Variants in NRBP2 observed in about 807,000 individuals in gnomAD.
NRBP2 encodes the protein nuclear receptor-binding protein 2.
A neutral mutation model predicts 74.4 loss-of-function variants in NRBP2; 47 were observed. The ratio of observed to expected loss-of-function variants is 0.63; its 90% confidence interval spans 0.50 to 0.81. NRBP2 has a LOEUF of 0.81. NRBP2 is among the 30% of genes least tolerant of loss of function. NRBP2 has a pLI of 0.00. For synonymous variants in NRBP2, 312 were observed against 273.8 expected (o/e 1.14, Z -1.38); for missense variants, 613 against 690.1 (o/e 0.89, Z 1.25).
At position 143,839,085 on chromosome 8, in the gene NRBP2, A is replaced by C; in HGVS notation, c.620T>G (p.Leu207Arg). ...TCGCTCAGCGCGGATGGGGCTTCGG[A>C]GATCATCTGGAAGTGCTGTGGGAGG... ...RIFSNALPDD[L>R]RSPIRAEREE... is the part of the protein sequence containing the mutation. Residue 207 changes from leucine to arginine, a missense_variant, in exon 8 of 18, where the codon CTC (leucine) becomes CGC (arginine). Physicochemically the swap from Leu to Arg is moderately radical, Grantham distance 102 (BLOSUM62 -2). Transcript: ENST00000442628. This position sits in a 1 kb window ranked among gnomAD's most constrained non-coding sequence, Gnocchi z 5.1. 6.5e-7 allele frequency: 1 copy of C among 1,526,896 alleles called. No homozygotes were observed. The highest frequency in any genetic ancestry group is 8.8e-7 in the Non-Finnish European group (1 of 1,140,336). The allele number at this position is 1,526,896 out of a possible 1,614,324, so 94.6% of individuals were successfully genotyped here. A position where few individuals can be genotyped will look rare whatever the true frequency, so the allele number is the denominator to read the frequency against.
chr8:143,836,196 G>A lies in NRBP2; in HGVS notation c.1264-16C>T. 6.5e-7 allele frequency: 1 copy of A among 1,529,182 alleles called. No individual in the cohort carries two copies. Among genetic ancestry groups the A allele is most frequent in the African/African-American group, 1.4e-5 (1 of 69,818 alleles). 94.7% of individuals were successfully genotyped at this position (1,529,182 alleles called of 1,614,324 possible). ...TCTGGATGACCTGCAGCGGGGGAAG[G>A]CTGGGACTCACAAACCCAGCAGCAA... On this transcript the variant is annotated splice_polypyrimidine_tract_variant and intron_variant, in intron 14 of 17. Transcript: ENST00000442628.
At chr8:143,830,825 A>C (rs941565883), downstream of NRBP2, among the ~76,000 whole-genome samples, 4 of 152,250 alleles carry the variant, frequency 2.6e-5, no homozygotes, top group African/African-American at 9.6e-5. Flanking sequence ...TCAGTCAATA[A>C]AAAGGAACTG....
In NRBP2 at chr8:143,840,492, G is replaced by A. The variant is rs1483040610; in HGVS notation, c.129+214C>T. 1.5e-6 allele frequency: 1 copy of A among 658,216 alleles called. No homozygotes were observed. The highest frequency in any genetic ancestry group is 2.8e-5 in the East Asian group (1 of 35,882). 40.8% of individuals were successfully genotyped at this position (658,216 alleles called of 1,614,324 possible). A position where few individuals can be genotyped will look rare whatever the true frequency, so the allele number is the denominator to read the frequency against. On this transcript the variant is annotated intron_variant, in intron 1 of 17. Coordinates refer to ENST00000442628, the MANE Select transcript of NRBP2 (RefSeq NM_178564.4). The surrounding 1 kb of genome is among the most constrained non-coding windows in gnomAD (Gnocchi z 5.7). Reference sequence around the variant, plus strand: ...CTAGCGGCTGAGTCCAGAGGCATGGGGAGGTGGTCCTGGGAGGAGACTGGC... The same window carrying A: ...CTAGCGGCTGAGTCCAGAGGCATGGAGAGGTGGTCCTGGGAGGAGACTGGC...
chr8:143,836,831 G>C (rs1459441246), intron 14 of NRBP2, among the ~76,000 whole-genome samples: 2 of 151,976 alleles, frequency 1.3e-5, no homozygotes, highest in Non-Finnish European at 2.9e-5. Context: ...GATCTGAGGG[G>C]ACAGGGAGCC....
At position 143,837,766 on chromosome 8, in the gene NRBP2, G is replaced by C. The variant is rs1188948040; in HGVS notation, c.841-11C>G. 12 of 1,557,136 alleles carry C rather than the reference G, an allele frequency of 7.7e-6. No homozygotes were observed. The African/African-American group carries it at 1.2e-4, about 16-fold the overall frequency. On this transcript the variant is annotated splice_polypyrimidine_tract_variant and intron_variant, in intron 10 of 17. Transcript: ENST00000442628. This position sits in a 1 kb window ranked among gnomAD's most constrained non-coding sequence, Gnocchi z 4.3. ...GCAAAGGATGAACTCCTGGGGCACA[G>C]GGAGGAGAGGCTGGTGGTGTGCAAG...
rs1243088477 is a variant in NRBP2, at chr8:143,834,150, G to A, written c.*1512C>T. 1 of 152,168 alleles carries A rather than the reference G, an allele frequency of 6.6e-6. No homozygotes were observed. Among genetic ancestry groups the A allele is most frequent in the African/African-American group, 2.4e-5 (1 of 41,434 alleles). The allele number at this position is 152,168 out of a possible 1,614,324, so 9.4% of individuals were successfully genotyped here. On this transcript the variant is annotated 3_prime_UTR_variant, in exon 18 of 18. Coordinates refer to ENST00000442628, the MANE Select transcript of NRBP2 (RefSeq NM_178564.4). ...AGATGTGTTTAATATTAAAAACCTTGAGGAGGGAGATTATCATGTATTATC... is the reference window on the plus strand; with the variant it reads ...AGATGTGTTTAATATTAAAAACCTTAAGGAGGGAGATTATCATGTATTATC...
rs188532451 is a variant in NRBP2 at position 143,837,428 on chromosome 8, C to T, written c.1055G>A (p.Arg352His). 32 of 1,604,660 alleles carry T rather than the reference C, an allele frequency of 2.0e-5. No homozygotes were observed. The highest frequency in any genetic ancestry group is 1.6e-4 in the East Asian group (7 of 44,560). Residue 352 changes from arginine (R) to histidine (H), a missense_variant, in exon 12 of 18, where the codon CGC becomes CAC. Arg to His is a conservative substitution (Grantham distance 29). Coordinates refer to ENST00000442628, the MANE Select transcript of NRBP2 (RefSeq NM_178564.4). The surrounding 1 kb of genome is among the most constrained non-coding windows in gnomAD (Gnocchi z 4.3). ...TCACCGCCACTGCAGCGGGGGCCTGCGGGGCCGGGGAAGCTCCGCCAAGAC... is the reference window on the plus strand; with the variant it reads ...TCACCGCCACTGCAGCGGGGGCCTGTGGGGCCGGGGAAGCTCCGCCAAGAC... ...HAVLAELPRP[R>H]RPPLQWRYSE...
In NRBP2 at chr8:143,839,667, C is replaced by G. The variant is rs1818607192; in HGVS notation, c.444+69G>C. Reference sequence around the variant, plus strand: ...TCCGAGGCCGCCGGGCACCCCCTCACCATCCCAGTCCCCGAGGCTGCCCCA... The same window carrying G: ...TCCGAGGCCGCCGGGCACCCCCTCAGCATCCCAGTCCCCGAGGCTGCCCCA... On this transcript the variant is annotated intron_variant, in intron 4 of 17. Transcript: ENST00000442628. The surrounding 1 kb of genome is among the most constrained non-coding windows in gnomAD (Gnocchi z 5.1). The G allele has an allele frequency of 6.6e-7, 1 of 1,525,940 alleles. No homozygotes were observed. The highest frequency in any genetic ancestry group is 1.4e-5 in the African/African-American group (1 of 72,868). The allele number at this position is 1,525,940 out of a possible 1,614,324, so 94.5% of individuals were successfully genotyped here. A position where few individuals can be genotyped will look rare whatever the true frequency, so the allele number is the denominator to read the frequency against.
At chr8:143,836,475 C>T (rs1007377503) in intron 14 of NRBP2, among the ~76,000 whole-genome samples, 6 of 151,840 alleles carry the variant, frequency 4.0e-5, no homozygotes, top group Non-Finnish European at 7.4e-5. Flanking sequence ...CCGAAGTGCA[C>T]GGTGCCTGCG....
rs781950358 is a variant in NRBP2, at chr8:143,835,898, G to A, written c.1382-23C>T. 2.2e-5 allele frequency: 36 copies of A among 1,600,066 alleles called. No individual in the cohort carries two copies. In the East Asian group the frequency reaches 7.9e-4, roughly 35 times the overall value. On this transcript the variant is annotated intron_variant, in intron 16 of 17. Transcript: ENST00000442628. The surrounding 1 kb of genome is among the most constrained non-coding windows in gnomAD (Gnocchi z 4.9). ...CCGCTGAGGCAATGGCGTAAGGCGA[G>A]GCATGAGGCCGCTGCCCACCCGCCG...
Position 143,837,422 on chromosome 8 carries a change from G to A in NRBP2, c.1061C>T (p.Pro354Leu). The A allele has an allele frequency of 1.2e-6, 2 of 1,603,546 alleles. No individual in the cohort carries two copies. Among genetic ancestry groups the A allele is most frequent in the Non-Finnish European group, 8.5e-7 (1 of 1,176,522 alleles). Residue 354 changes from proline to leucine, a missense_variant, in exon 12 of 18, where the codon CCC becomes CTC. Physicochemically the swap from Pro to Leu is moderately conservative, Grantham distance 98. Around this residue, in one of 2 missense-constraint regions of NRBP2, gnomAD observed 281 missense variants for 260.9 expected, o/e 1.08. Transcript: ENST00000442628. This position sits in a 1 kb window ranked among gnomAD's most constrained non-coding sequence, Gnocchi z 4.3. ...VLAELPRPRR[P>L]PLQWRYSEVS... ...GACTGCTCACCGCCACTGCAGCGGG[G>A]GCCTGCGGGGCCGGGGAAGCTCCGC...
At position 143,837,190 on chromosome 8, in the gene NRBP2, G is replaced by A; in HGVS notation, c.1128-16C>T. On this transcript the variant is annotated splice_polypyrimidine_tract_variant and intron_variant, in intron 13 of 17. Coordinates refer to ENST00000442628, the MANE Select transcript of NRBP2 (RefSeq NM_178564.4). The surrounding 1 kb of genome is among the most constrained non-coding windows in gnomAD (Gnocchi z 4.3). Reference sequence around the variant, plus strand: ...GATTCCATTCCTGGGGACACAACAGGGTGGCTGGGGGTTCAGGCCTGACAG... The same window carrying A: ...GATTCCATTCCTGGGGACACAACAGAGTGGCTGGGGGTTCAGGCCTGACAG... The A allele has an allele frequency of 6.2e-7, 1 of 1,613,842 alleles. No individual in the cohort carries two copies. The highest frequency in any genetic ancestry group is 8.5e-7 in the Non-Finnish European group (1 of 1,179,950).
chr8:143,839,228 C>T lies in NRBP2; in HGVS notation c.581-33G>A. ...GGGGCGGGAGAAAGAGTGGAGTTAGCTGCTGGGGCATCAGAACTCCTCTGC... is the reference window on the plus strand; with the variant it reads ...GGGGCGGGAGAAAGAGTGGAGTTAGTTGCTGGGGCATCAGAACTCCTCTGC... On this transcript the variant is annotated intron_variant, in intron 6 of 17. Coordinates refer to ENST00000442628, the MANE Select transcript of NRBP2 (RefSeq NM_178564.4). The surrounding 1 kb of genome is among the most constrained non-coding windows in gnomAD (Gnocchi z 5.1). 2.6e-6 allele frequency: 4 copies of T among 1,532,034 alleles called. No homozygotes were observed. Among genetic ancestry groups the T allele is most frequent in the Non-Finnish European group, 3.5e-6 (4 of 1,143,692 alleles). 94.9% of individuals were successfully genotyped at this position (1,532,034 alleles called of 1,614,324 possible).
In NRBP2 at chr8:143,838,795, C is replaced by T. The variant is rs782613226; in HGVS notation, c.745-20G>A. On this transcript the variant is annotated intron_variant, in intron 9 of 17. Transcript: ENST00000442628. ...AGCCATCTGGGGCACAGAGCCAGGT[C>T]AGGCATGGGGAAGGGACCACACAGG... 1 of 1,611,534 alleles carries T rather than the reference C, an allele frequency of 6.2e-7. No individual in the cohort carries two copies. The highest frequency in any genetic ancestry group is 1.3e-5 in the African/African-American group (1 of 74,918).
In NRBP2 at chr8:143,833,698, G is replaced by A. The variant is rs1818245884; in HGVS notation, c.*1964C>T. The A allele has an allele frequency of 6.6e-6, 1 of 151,974 alleles. No individual in the cohort carries two copies. The highest frequency in any genetic ancestry group is 2.4e-5 in the African/African-American group (1 of 41,356). 9.4% of individuals were successfully genotyped at this position (151,974 alleles called of 1,614,324 possible). A position where few individuals can be genotyped will look rare whatever the true frequency, so the allele number is the denominator to read the frequency against. ...AATTCTGAAAAGATAAAATTTAAAAGGAAAAATTCAACAGAGACATGATTA... is the reference window on the plus strand; with the variant it reads ...AATTCTGAAAAGATAAAATTTAAAAAGAAAAATTCAACAGAGACATGATTA... On this transcript the variant is annotated 3_prime_UTR_variant, in exon 18 of 18. Coordinates refer to ENST00000442628, the MANE Select transcript of NRBP2 (RefSeq NM_178564.4).
downstream of NRBP2, among the ~76,000 whole-genome samples, chr8:143,832,182 G>A (rs1254690037): frequency 2.0e-5 from 3 of 151,898 alleles, no homozygotes; most frequent in East Asian, 1.9e-4. Context: ...GATTAAGGGC[G>A]GTGCAAGATG....
downstream of NRBP2, among the ~76,000 whole-genome samples, chr8:143,830,556 C>G (rs542347918): frequency 3.9e-5 from 6 of 152,360 alleles, no homozygotes; most frequent in South Asian, 1.2e-3. Flanking sequence ...AAGAGGGCTC[C>G]TCTCTGCAGC....
chr8:143,830,083 G>T (rs1181008825), downstream of NRBP2, among the ~76,000 whole-genome samples: 3 of 152,186 alleles, frequency 2.0e-5, no homozygotes, highest in African/African-American at 7.2e-5. Context: ...AAGGCATCCC[G>T]GGCAGGCCTC....
At chr8:143,836,440 G>A (rs549575582) in intron 14 of NRBP2, among the ~76,000 whole-genome samples, 1 of 152,154 alleles carries the variant, frequency 6.6e-6, no homozygotes, top group African/African-American at 2.4e-5. Context: ...GTGGGGAAAG[G>A]GAGGTTGGGC....
Sources: allele counts gnomAD v4.1 joint callset (sites outside exome capture counted in the v4.1 genomes callset), GRCh38; gene constraint gnomAD v4.1.1; regional missense constraint gnomAD v4.1.1; non-coding constraint Gnocchi (gnomAD v3.1); transcripts MANE v1.5; gene names NCBI Gene and HGNC (gene_info 2026-07-23, HGNC 2026-07-21).